RUFY3: variants seen among roughly 807,000 people sequenced by gnomAD.
RUFY3 encodes protein RUFY3.
RUFY3 carries 34 observed loss-of-function variants against 84.0 expected under a neutral mutation model. The observed-to-expected ratio is 0.40, with a 90% confidence interval of 0.31 to 0.54. RUFY3 has a LOEUF of 0.54. Ranked by LOEUF, RUFY3 falls within the 20% of genes least tolerant of loss-of-function variation. The probability of loss-of-function intolerance (pLI) is 0.39; values close to 1 mark genes in which losing one functional copy is unlikely to be tolerated. For missense variants in RUFY3, 507 were observed against 736.8 expected, an observed-to-expected ratio of 0.69 and a Z score of 3.61; for synonymous variants, 242 against 252.9, an observed-to-expected ratio of 0.96 and a Z score of 0.41.
At chr4:70,730,728 A>G (rs1444272354) in intron 1 of RUFY3, among the ~76,000 whole-genome samples, 1 of 151,748 alleles carries the variant, frequency 6.6e-6, no homozygotes, top group Non-Finnish European at 1.5e-5. Context: ...GGGCGACAAG[A>G]GTGAAACTCC....
At chr4:70,735,250 G>A (rs1395446191) in intron 1 of RUFY3, among the ~76,000 whole-genome samples, 1 of 152,146 alleles carries the variant, frequency 6.6e-6, no homozygotes, top group Non-Finnish European at 1.5e-5. Context: ...GAGGTGGAGA[G>A]TATATAATTG....
rs778346957 is a variant in RUFY3 at position 70,733,137 on chromosome 4, G to GGAGAGAGAGA, written c.178+10407_178+10416dup. 1.5e-4 allele frequency among the ~76,000 whole-genome samples: 13 copies of GGAGAGAGAGA among 86,682 alleles called. No individual in the cohort carries two copies. The East Asian group carries it at 1.7e-3, about 11-fold the overall frequency. 56.9% of individuals were successfully genotyped at this position (86,682 alleles called of 152,430 possible). A position where few individuals can be genotyped will look rare whatever the true frequency, so the allele number is the denominator to read the frequency against. On this transcript the variant is annotated intron_variant, in intron 1 of 17. Coordinates refer to ENST00000381006, the MANE Select transcript of RUFY3 (RefSeq NM_001037442.4). ...GAGAGAGAGGGAGGGAGGGAGGGAG[G>GGAGAGAGAGA]GAGAGAGAGAGAGAGAGAGAGAGAG...
chr4:70,780,270 G>GTT (rs1728684809), intron 8 of RUFY3, among the ~76,000 whole-genome samples: 2 of 151,448 alleles, frequency 1.3e-5, no homozygotes. Context: ...CTAGTTTTTT[G>GTT]TTTTTTTGTT....
chr4:70,804,507 T>C (rs916194576), intron 17 of RUFY3, 91 bp downstream of exon 17: 5 of 1,100,166 alleles, frequency 4.5e-6, no homozygotes, highest in Non-Finnish European at 6.9e-6. Context: ...CTTTCCCGCA[T>C]AGAGTGCAGA....
chr4:70,802,081 A>G (rs1367660736), intron 15 of RUFY3, among the ~76,000 whole-genome samples: 1 of 152,222 alleles, frequency 6.6e-6, no homozygotes, highest in East Asian at 1.9e-4. Flanking sequence ...TTTACAGATG[A>G]GAAAACTGAG....
At chr4:70,788,688 C>A (rs994196948) in intron 10 of RUFY3, 118 bp from the exon 11 acceptor site, 21 of 1,012,944 alleles carry the variant, frequency 2.1e-5, no homozygotes, top group Non-Finnish European at 2.5e-5. Flanking sequence ...GTAGCTTAAG[C>A]TATTTTGCCA....
At chr4:70,727,330 A>T (rs1253667509) in intron 1 of RUFY3, among the ~76,000 whole-genome samples, 2 of 148,778 alleles carry the variant, frequency 1.3e-5, no homozygotes, top group Non-Finnish European at 3.0e-5. Flanking sequence ...GTTACATATA[A>T]TTCTAGGATC....
intron 9 of RUFY3, 110 bp downstream of exon 9, chr4:70,783,293 CTT>C: frequency 4.3e-6 from 3 of 694,248 alleles, no homozygotes; most frequent in Non-Finnish European, 7.6e-6. Context: ...ATCAAGCACA[CTT>C]TTTATTTAGA....
At chr4:70,716,083 C>T (rs907846335) in intron 1 of RUFY3, among the ~76,000 whole-genome samples, 1 of 151,610 alleles carries the variant, frequency 6.6e-6, no homozygotes, top group African/African-American at 2.4e-5. Flanking sequence ...CACTGCACTC[C>T]AGCCTGGGTG....
intron 1 of RUFY3, among the ~76,000 whole-genome samples, chr4:70,749,386 G>A (rs905717015): frequency 1.3e-5 from 2 of 151,968 alleles, no homozygotes; most frequent in African/African-American, 4.8e-5. Context: ...GAACTCTTGT[G>A]CAAGCTAATA....
intron 1 of RUFY3, among the ~76,000 whole-genome samples, chr4:70,706,042 A>T (rs1295040981): frequency 6.6e-6 from 1 of 151,796 alleles, no homozygotes. Flanking sequence ...GCTGACCCAC[A>T]CTCCGTGCTG....
chr4:70,748,884 G>C (rs1479188918), intron 1 of RUFY3, among the ~76,000 whole-genome samples: 1 of 152,080 alleles, frequency 6.6e-6, no homozygotes, highest in African/African-American at 2.4e-5. Flanking sequence ...ACATAACCCA[G>C]TAAAGAAATG....
In RUFY3 at chr4:70,806,576, C is replaced by T; in HGVS notation, c.1780C>T (p.Leu594Phe). The T allele has an allele frequency of 1.2e-6, 2 of 1,614,192 alleles. No individual in the cohort carries two copies. The highest frequency in any genetic ancestry group is 1.7e-6 in the Non-Finnish European group (2 of 1,180,012). ...TGCCTGTTCAACAAATGAACTGCCT[C>T]TTCCTTCAAGTATCAAGCTTGAGCG... ...CDACSTNELP[L>F]PSSIKLERVC... The change falls in exon 18 of 18, where the codon CTT becomes TTT. Residue 594 changes from leucine (L) to phenylalanine (F), a missense_variant. Leu to Phe is a conservative substitution (Grantham distance 22, BLOSUM62 0). Coordinates refer to ENST00000381006, the MANE Select transcript of RUFY3 (RefSeq NM_001037442.4).
At chr4:70,718,872 C>T (rs988807260), upstream of RUFY3, among the ~76,000 whole-genome samples, 4 of 151,072 alleles carry the variant, frequency 2.6e-5, no homozygotes, top group East Asian at 1.9e-4. Context: ...TGTGCCACCA[C>T]GCCCAGCTAA....
At chr4:70,717,363 T>C (rs141554712), upstream of RUFY3, among the ~76,000 whole-genome samples, 1 of 152,174 alleles carries the variant, frequency 6.6e-6, no homozygotes, top group Admixed American at 6.6e-5. Context: ...ATCTACCCTT[T>C]GTGAGCCCAT....
At chr4:70,757,023 T>A (rs1373127989) in intron 1 of RUFY3, among the ~76,000 whole-genome samples, 1 of 152,036 alleles carries the variant, frequency 6.6e-6, no homozygotes, top group Non-Finnish European at 1.5e-5. Context: ...GTAATCTCAT[T>A]ACTTTGGGAG....
chr4:70,751,885 T>C (rs1308596775), intron 1 of RUFY3, among the ~76,000 whole-genome samples: 1 of 152,220 alleles, frequency 6.6e-6, no homozygotes, highest in Non-Finnish European at 1.5e-5. Flanking sequence ...TTTTGAGCTT[T>C]TTAAAAAATT....
At chr4:70,786,756 T>C (rs574310407) in intron 10 of RUFY3, among the ~76,000 whole-genome samples, 74 of 152,292 alleles carry the variant, frequency 4.9e-4, no homozygotes, top group Admixed American at 2.8e-3. Context: ...AGTGTTATTA[T>C]ATTAATAACC....
chr4:70,721,837 G>A, upstream of RUFY3: 1 of 985,208 alleles, frequency 1.0e-6, no homozygotes, highest in Non-Finnish European at 1.2e-6. Flanking sequence ...GTCTGGAAGT[G>A]GGTTGTACAG....
Sources: gnomAD v4.1 joint callset for allele counts (sites outside exome capture counted in the v4.1 genomes callset) on GRCh38, gnomAD v4.1.1 for gene constraint, MANE v1.5 for transcripts, NCBI Gene and HGNC (gene_info 2026-07-23, HGNC 2026-07-21) for gene names.